The following PCCB variants were observed in gnomAD, a reference collection of about 807,000 sequenced individuals.
PCCB encodes the protein propionyl-CoA carboxylase beta chain, mitochondrial.
PCCB carries 43 observed loss-of-function variants against 60.7 expected under a neutral mutation model. The ratio of observed to expected loss-of-function variants is 0.71; its 90% confidence interval spans 0.55 to 0.91. The LOEUF (loss-of-function observed/expected upper bound fraction) is 0.91. Among genes scored for constraint, PCCB ranks in the 40% least tolerant of loss-of-function variants. The pLI is 0.00. For synonymous variants in PCCB, 276 were observed against 255.9 expected, an observed-to-expected ratio of 1.08 and a Z score of -0.75; for missense variants, 766 against 702.8, an observed-to-expected ratio of 1.09 and a Z score of -1.02.
intron 12 of PCCB, 149 bp downstream of exon 12, chr3:136,327,404 G>A (rs920390972): frequency 2.8e-5 from 21 of 755,978 alleles, no homozygotes; most frequent in South Asian, 3.0e-5. Flanking sequence ...TCCCAGCCCC[G>A]CAGAAATGTC....
intron 5 of PCCB, among the ~76,000 whole-genome samples, chr3:136,269,810 C>T (rs565301324): frequency 4.2e-4 from 63 of 148,960 alleles, no homozygotes; most frequent in Non-Finnish European, 7.4e-4. Flanking sequence ...GCCGTGAACC[C>T]GGGAGGCGGA....
At chr3:136,307,415 G>T (rs1416271138) in intron 9 of PCCB, among the ~76,000 whole-genome samples, 1 of 151,320 alleles carries the variant, frequency 6.6e-6, no homozygotes, top group Non-Finnish European at 1.5e-5. Context: ...GGGAGGAGAA[G>T]AGAGGGGAAG....
At chr3:136,263,757 G>T (rs1440389814) in intron 5 of PCCB, among the ~76,000 whole-genome samples, 1 of 152,056 alleles carries the variant, frequency 6.6e-6, no homozygotes, top group Non-Finnish European at 1.5e-5. Context: ...CACACCTGCA[G>T]TCTCAGCACT....
intron 8 of PCCB, 76 bp downstream of exon 8, chr3:136,298,148 G>T: frequency 6.3e-7 from 1 of 1,595,900 alleles, no homozygotes; most frequent in Non-Finnish European, 8.6e-7. Flanking sequence ...GGACCCCCAG[G>T]GTCTGCCTTG....
chr3:136,307,812 C>T (rs1048344545), intron 9 of PCCB, among the ~76,000 whole-genome samples: 4 of 151,880 alleles, frequency 2.6e-5, no homozygotes, highest in Non-Finnish European at 4.4e-5. Flanking sequence ...CCTATCTCTA[C>T]TGAAAATACA....
At chr3:136,262,637 A>G (rs1941857429) in intron 5 of PCCB, among the ~76,000 whole-genome samples, 1 of 152,208 alleles carries the variant, frequency 6.6e-6, no homozygotes. Context: ...TATAAAGTAT[A>G]TTTGTGAGAG....
intron 3 of PCCB, chr3:136,259,275 T>C: frequency 1.7e-6 from 1 of 588,174 alleles, no homozygotes; most frequent in Non-Finnish European, 2.6e-6. Context: ...GAAACTGGCC[T>C]AGCCAACATG....
chr3:136,306,744 T>C lies in PCCB; in HGVS notation c.966+5633T>C, dbSNP rs1934462477. On this transcript the variant is annotated intron_variant, in intron 9 of 14. Transcript: ENST00000251654. Reference sequence around the variant, plus strand: ...GTTAAATGTATGAGAAAAAAGTGACTACAATGAAAGGCAAAGAAGAATGAA... The same window carrying C: ...GTTAAATGTATGAGAAAAAAGTGACCACAATGAAAGGCAAAGAAGAATGAA... 1.6e-5 allele frequency among the ~76,000 whole-genome samples: 2 copies of C among 122,364 alleles called. 1 individual carries two copies. The highest frequency in any genetic ancestry group is 5.0e-5 in the African/African-American group (2 of 40,112). 80.3% of individuals were successfully genotyped at this position (122,364 alleles called of 152,430 possible).
intron 5 of PCCB, among the ~76,000 whole-genome samples, chr3:136,268,015 C>T (rs377517193): frequency 8.0e-6 from 1 of 125,182 alleles, no homozygotes; most frequent in East Asian, 2.3e-4. Context: ...GGCGCTATCT[C>T]AGGGATTATG....
At chr3:136,264,278 A>G (rs911980399) in intron 5 of PCCB, among the ~76,000 whole-genome samples, 5 of 151,916 alleles carry the variant, frequency 3.3e-5, no homozygotes, top group African/African-American at 1.2e-4. Flanking sequence ...GAATACAGTA[A>G]TAAAAATCAG....
At chr3:136,255,786 T>C (rs1276921746) in intron 1 of PCCB, 70 bp from the exon 2 acceptor site, 1 of 1,416,926 alleles carries the variant, frequency 7.1e-7, no homozygotes, top group Non-Finnish European at 1.0e-6. Context: ...AGCCCTCCCA[T>C]GAACAGCCCT....
At chr3:136,273,574 CTTTCTTTTTTTT>C (rs1576318176) in intron 5 of PCCB, among the ~76,000 whole-genome samples, 1 of 50,364 alleles carries the variant, frequency 2.0e-5, no homozygotes, top group East Asian at 4.4e-4. Flanking sequence ...CCTTCTTTTT[CTTTCTTTTTTTT>C]TTTCTTTTTT....
Position 136,326,785 on chromosome 3 carries a change from TA to T in PCCB, c.1091-16del. 1 of 1,509,786 alleles carries T rather than the reference TA, an allele frequency of 6.6e-7. No homozygotes were observed. Among genetic ancestry groups the T allele is most frequent in the Non-Finnish European group, 9.2e-7 (1 of 1,084,782 alleles). 93.5% of individuals were successfully genotyped at this position (1,509,786 alleles called of 1,614,324 possible). On this transcript the variant is annotated splice_polypyrimidine_tract_variant and intron_variant, in intron 10 of 14. Transcript: ENST00000251654. ...GAATTGCCTGGATACTCAGTATGGA[TA>T]ATCTCTCTCTTTCTAGGATGCTTGG... is the stretch of plus-strand genomic sequence containing the variant.
intron 5 of PCCB, among the ~76,000 whole-genome samples, chr3:136,282,263 A>C (rs1182369110): frequency 6.6e-6 from 1 of 152,216 alleles, no homozygotes; most frequent in Non-Finnish European, 1.5e-5. Context: ...TGTTTTATCA[A>C]ATTCTCCTCT....
chr3:136,304,150 CT>C (rs757141619), intron 9 of PCCB, among the ~76,000 whole-genome samples: 1,756 of 98,796 alleles, frequency 0.018, 191 homozygotes, highest in East Asian at 0.17. Context: ...ATCTCTTCGT[CT>C]TTTTTTTTTT....
chr3:136,278,751 A>C (rs1455060816), intron 5 of PCCB, among the ~76,000 whole-genome samples: 1 of 152,232 alleles, frequency 6.6e-6, no homozygotes, highest in Non-Finnish European at 1.5e-5. Flanking sequence ...TGCACTTGAC[A>C]AGAATATATA....
chr3:136,254,601 C>T (rs1941615811), intron 1 of PCCB, among the ~76,000 whole-genome samples: 1 of 134,120 alleles, frequency 7.5e-6, no homozygotes, highest in East Asian at 2.5e-4. Flanking sequence ...GGAGTGATCA[C>T]AGCTCACCAC....
rs117780761 is a variant in PCCB, at chr3:136,325,609, G to A, written c.1091-1194G>A. On this transcript the variant is annotated intron_variant, in intron 10 of 14. Coordinates refer to ENST00000251654, the MANE Select transcript of PCCB (RefSeq NM_000532.5). ...CTGACCTCAAGTGGTCTGCCTGCCC[G>A]ACCTCCCAAAGTGCTGGGATTACAG... Among the ~76,000 whole-genome samples, 209 of 151,986 alleles carry A rather than the reference G, an allele frequency of 1.4e-3. No individual in the cohort carries two copies. The East Asian group carries it at 0.034, about 24-fold the overall frequency.
At chr3:136,288,697 T>C (rs1357881461) in intron 6 of PCCB, among the ~76,000 whole-genome samples, 1 of 152,098 alleles carries the variant, frequency 6.6e-6, no homozygotes, top group Non-Finnish European at 1.5e-5. Context: ...TGGAGTGCAG[T>C]GGTATGATCA....
Sources: gnomAD v4.1 joint callset for allele counts (sites outside exome capture counted in the v4.1 genomes callset) on GRCh38, gnomAD v4.1.1 for gene constraint, MANE v1.5 for transcripts, NCBI Gene and HGNC (gene_info 2026-07-23, HGNC 2026-07-21) for gene names.